DPYD: variants seen among roughly 807,000 people sequenced by gnomAD.
The protein encoded by DPYD is dihydropyrimidine dehydrogenase [NADP(+)].
In DPYD, 109 loss-of-function variants were observed where a neutral mutation model predicts 116.2. The ratio of observed to expected loss-of-function variants is 0.94; its 90% CI spans 0.80 to 1.10. DPYD has a LOEUF of 1.10. Among genes scored for constraint, DPYD ranks in the 50% least tolerant of loss-of-function variants. The pLI is 0.00. For synonymous variants in DPYD, 440 were observed against 432.0 expected (o/e 1.02, Z -0.23); for missense variants, 1,302 against 1,254.5 (o/e 1.04, Z -0.57).
intron 6 of DPYD, among the ~76,000 whole-genome samples, chr1:97,698,254 T>G (rs866341443): frequency 6.6e-6 from 1 of 151,968 alleles, no homozygotes; most frequent in South Asian, 2.1e-4. Context: ...TGCTTGATGA[T>G]TCAGTCAAAT....
chr1:97,718,235 T>A (rs1364507630), intron 5 of DPYD, among the ~76,000 whole-genome samples: 1 of 152,078 alleles, frequency 6.6e-6, no homozygotes, highest in Non-Finnish European at 1.5e-5. Context: ...TTGAGTATTT[T>A]TTCACATTTT....
At chr1:97,204,544 G>A (rs1349356156) in intron 19 of DPYD, among the ~76,000 whole-genome samples, 1 of 152,126 alleles carries the variant, frequency 6.6e-6, no homozygotes, top group Non-Finnish European at 1.5e-5. Context: ...GAGGGTTTTA[G>A]GAGGATGCTT....
intron 3 of DPYD, 35 bp from the exon 4 acceptor site, chr1:97,740,514 A>G (rs200741798): frequency 6.6e-7 from 1 of 1,526,206 alleles, no homozygotes; most frequent in East Asian, 2.3e-5. Flanking sequence ...AGAAACTACA[A>G]GATAAGTGAG....
At chr1:97,299,900 C>A (rs1014230955) in intron 18 of DPYD, among the ~76,000 whole-genome samples, 3 of 152,046 alleles carry the variant, frequency 2.0e-5, no homozygotes, top group Non-Finnish European at 4.4e-5. Context: ...AGAAAGGCAA[C>A]ATAATGAAAG....
At chr1:97,514,434 T>C (rs1196599280) in intron 13 of DPYD, among the ~76,000 whole-genome samples, 3 of 152,016 alleles carry the variant, frequency 2.0e-5, no homozygotes, top group African/African-American at 7.2e-5. Context: ...ATAACTAATA[T>C]AGTCAGTATA....
chr1:97,478,871 C>G (rs1033496396), intron 13 of DPYD, among the ~76,000 whole-genome samples: 2 of 152,224 alleles, frequency 1.3e-5, no homozygotes, highest in Non-Finnish European at 2.9e-5. Flanking sequence ...TCAGCACTTG[C>G]TGCTTCGCCT....
At chr1:97,082,620 T>G (rs1258744978) in intron 21 of DPYD, 150 bp from the exon 22 acceptor site, 28 of 930,634 alleles carry the variant, frequency 3.0e-5, no homozygotes, top group Admixed American at 3.0e-4. Context: ...GATAAGCTTT[T>G]TATGATAATT....
rs1274393433 is a variant in DPYD at position 97,306,305 on chromosome 1, A to C, written c.2059-8T>G. ...CCGCACCAGCTCTGGATCCTGTTCA[A>C]ATAGGTCGGTTAAATATAGAACAAA... On this transcript the variant is annotated splice_region_variant and splice_polypyrimidine_tract_variant and intron_variant, in intron 16 of 22. Coordinates refer to ENST00000370192, the MANE Select transcript of DPYD (RefSeq NM_000110.4). 1 of 1,612,020 alleles carries C rather than the reference A, an allele frequency of 6.2e-7. No individual in the cohort carries two copies. The highest frequency in any genetic ancestry group is 1.1e-5 in the South Asian group (1 of 91,072).
intron 21 of DPYD, among the ~76,000 whole-genome samples, chr1:97,087,215 G>A (rs894415426): frequency 2.6e-5 from 4 of 152,106 alleles, no homozygotes; most frequent in African/African-American, 4.8e-5. Flanking sequence ...GAAAGAACCT[G>A]GAGCAACATT....
intron 14 of DPYD, among the ~76,000 whole-genome samples, chr1:97,415,882 T>A (rs1018289739): frequency 1.3e-5 from 2 of 152,200 alleles, no homozygotes; most frequent in East Asian, 3.9e-4. Flanking sequence ...TATGTGTTTG[T>A]CCTGTCTTCC....
intron 13 of DPYD, among the ~76,000 whole-genome samples, chr1:97,466,154 G>C (rs1447708101): frequency 1.3e-5 from 2 of 152,138 alleles, no homozygotes; most frequent in Non-Finnish European, 2.9e-5. Context: ...CTGGTTTACA[G>C]TGTAATCAAA....
intron 5 of DPYD, among the ~76,000 whole-genome samples, chr1:97,705,204 C>A (rs1661858080): frequency 6.6e-6 from 1 of 151,822 alleles, no homozygotes; most frequent in Non-Finnish European, 1.5e-5. Context: ...CATATGTATA[C>A]ATGTGCCATG....
In DPYD at chr1:97,721,681, T is replaced by C; in HGVS notation, c.322-10A>G. 6.2e-7 allele frequency: 1 copy of C among 1,609,582 alleles called. No individual in the cohort carries two copies. Among genetic ancestry groups the C allele is most frequent in the South Asian group, 1.1e-5 (1 of 90,808 alleles). On this transcript the variant is annotated splice_polypyrimidine_tract_variant and intron_variant, in intron 4 of 22. Transcript: ENST00000370192. ...CAGCTCCATAATAGTTCTGCAAAAT[T>C]AATACAAAATAAAATTTTACTACTT...
At chr1:97,787,935 A>T (rs549540915) in intron 3 of DPYD, among the ~76,000 whole-genome samples, 1 of 152,200 alleles carries the variant, frequency 6.6e-6, no homozygotes, top group Non-Finnish European at 1.5e-5. Flanking sequence ...CTCTAGAAAA[A>T]TCACACGGTA....
At chr1:97,423,885 A>T (rs1382416542) in intron 14 of DPYD, among the ~76,000 whole-genome samples, 1 of 152,142 alleles carries the variant, frequency 6.6e-6, no homozygotes, top group Non-Finnish European at 1.5e-5. Context: ...ATTGTCATTC[A>T]TCTTTCCACT....
chr1:97,548,574 T>C (rs1305437553), intron 12 of DPYD, among the ~76,000 whole-genome samples: 1 of 151,920 alleles, frequency 6.6e-6, no homozygotes, highest in Non-Finnish European at 1.5e-5. Context: ...CCATCTCTAC[T>C]AAAAATACAA....
chr1:97,907,127 A>G (rs1673672272), intron 1 of DPYD, among the ~76,000 whole-genome samples: 1 of 152,118 alleles, frequency 6.6e-6, no homozygotes. Flanking sequence ...GAACAATGAA[A>G]GATTTCATCA....
intron 4 of DPYD, among the ~76,000 whole-genome samples, chr1:97,736,118 G>A (rs1663927261): frequency 1.3e-5 from 2 of 151,890 alleles, no homozygotes; most frequent in South Asian, 4.1e-4. Flanking sequence ...AAGAAATATG[G>A]ACTTAGATAA....
intron 3 of DPYD, among the ~76,000 whole-genome samples, chr1:97,814,135 A>G (rs1668466104): frequency 6.6e-6 from 1 of 152,192 alleles, no homozygotes; most frequent in Non-Finnish European, 1.5e-5. Context: ...AGAGCTGAAT[A>G]GCAAGAAGCA....
Sources: gnomAD v4.1 joint callset for allele counts (sites outside exome capture counted in the v4.1 genomes callset) on GRCh38, gnomAD v4.1.1 for gene constraint, MANE v1.5 for transcripts, NCBI Gene and HGNC (gene_info 2026-07-23, HGNC 2026-07-21) for gene names.